The following SON variants were observed in gnomAD, a reference collection of about 807,000 sequenced individuals.
SON encodes the protein protein SON.
Under a neutral mutation model 173.3 loss-of-function variants are expected in SON, and 4 were observed. The observed-to-expected ratio is 0.02, with a 90% confidence interval of 0.01 to 0.05. The LOEUF (loss-of-function observed/expected upper bound fraction) is 0.05. Among genes scored for constraint, SON ranks in the 10% least tolerant of loss-of-function variants. The pLI, the probability that SON is intolerant of heterozygous loss-of-function variation, is 1.00. For synonymous variants in SON, 1,190 were observed against 1,105.9 expected, an observed-to-expected ratio of 1.08 and a Z score of -1.51; for missense variants, 2,626 against 3,055.3, an observed-to-expected ratio of 0.86 and a Z score of 3.31.
chr21:33,564,281 T>TA (rs1347883106), intron 6 of SON, among the ~76,000 whole-genome samples: 3 of 152,226 alleles, frequency 2.0e-5, no homozygotes, highest in Non-Finnish European at 2.9e-5. Flanking sequence ...TCACACTAGT[T>TA]ACATTTCAAG....
At chr21:33,574,697 TCAAC>T (rs1259985016) in intron 9 of SON, among the ~76,000 whole-genome samples, 1 of 152,216 alleles carries the variant, frequency 6.6e-6, no homozygotes, top group Non-Finnish European at 1.5e-5. Flanking sequence ...AAACCTGGAA[TCAAC>T]CGACACACTT....
chr21:33,568,671 C>G (rs1169733154), intron 7 of SON, among the ~76,000 whole-genome samples: 2 of 152,050 alleles, frequency 1.3e-5, no homozygotes, highest in Non-Finnish European at 2.9e-5. Context: ...GGGTGGGGAC[C>G]CATTGTCATA....
Position 33,549,676 on chromosome 21 carries a change from G to C in SON, c.445G>C (p.Asp149His). 6.2e-7 allele frequency: 1 copy of C among 1,612,568 alleles called. No individual in the cohort carries two copies. The highest frequency in any genetic ancestry group is 8.5e-7 in the Non-Finnish European group (1 of 1,179,628). Reference protein sequence around the residue: ...KTKSHDDGNIDLESDSFLKFD... With the variant: ...KTKSHDDGNIHLESDSFLKFD... ...GAAATCTCATGATGATGGGAACATA[G>C]ATTTAGAATCTGATTCCTTTTTAAA... is the stretch of plus-strand genomic sequence containing the variant. The change falls in exon 3 of 12, where the codon GAT becomes CAT. Residue 149 changes from aspartate to histidine, a missense_variant. Around this residue, in one of 13 missense-constraint regions of SON, gnomAD observed 757 missense variants for 730.1 expected, o/e 1.04. Coordinates refer to ENST00000356577, the MANE Select transcript of SON (RefSeq NM_138927.4).
chr21:33,576,832 T>A lies in SON; in HGVS notation c.*408T>A, dbSNP rs768357927. The A allele has an allele frequency of 4.3e-5, 14 of 328,712 alleles. No individual in the cohort carries two copies. Among genetic ancestry groups the A allele is most frequent in the Non-Finnish European group, 7.8e-5 (13 of 165,692 alleles). The allele number at this position is 328,712 out of a possible 1,614,324, so 20.4% of individuals were successfully genotyped here. ...CGACTGTTTGAAGGCATCAGAGTAA[T>A]CTTCAGTGTGGAATGTTAAATAACG... On this transcript the variant is annotated 3_prime_UTR_variant, in exon 12 of 12. Coordinates refer to ENST00000356577, the MANE Select transcript of SON (RefSeq NM_138927.4).
At chr21:33,558,959 C>CTT (rs71194851) in intron 4 of SON, 185 of 118,814 alleles carry the variant, frequency 1.6e-3, no homozygotes, top group African/African-American at 1.7e-3. Flanking sequence ...ATGTCTTCTA[C>CTT]TTTTTTTTTT....
intron 2 of SON, among the ~76,000 whole-genome samples, chr21:33,549,077 T>TG (rs936116332): frequency 1.3e-5 from 2 of 149,388 alleles, no homozygotes; most frequent in African/African-American, 4.9e-5. Context: ...TGTTATACTG[T>TG]GGGGTTTTTT....
chr21:33,569,054 G>A lies in SON; in HGVS notation c.6852G>A (p.Leu2284=). The change falls in exon 8 of 12, where the codon TTG becomes TTA. Residue 2284 remains leucine (L), a synonymous_variant. Transcript: ENST00000356577. The part of the protein sequence containing the change: ...TGVQVLTQEQ[L]ANTGAQAWIK... ...TACAGGTTTTGACACAAGAACAGTT[G>A]GCCAATACTGGTGCCCAAGCCTGGA... The A allele has an allele frequency of 6.2e-7, 1 of 1,609,466 alleles. No homozygotes were observed. Among genetic ancestry groups the A allele is most frequent in the Non-Finnish European group, 8.5e-7 (1 of 1,175,918 alleles).
chr21:33,544,497 G>A (rs543561340), intron 1 of SON, among the ~76,000 whole-genome samples: 1 of 152,214 alleles, frequency 6.6e-6, no homozygotes, highest in East Asian at 1.9e-4. Flanking sequence ...ACATGAAAAA[G>A]GAGAAAAGAA....
At chr21:33,547,198 G>C (rs980202707) in intron 2 of SON, among the ~76,000 whole-genome samples, 1 of 151,828 alleles carries the variant, frequency 6.6e-6, no homozygotes, top group Non-Finnish European at 1.5e-5. Flanking sequence ...AGGGTGGTCT[G>C]GTCTCGATCT....
Position 33,550,521 on chromosome 21 carries a change from C to A in SON, c.1290C>A (p.Pro430=). 6.2e-7 allele frequency: 1 copy of A among 1,613,328 alleles called. No individual in the cohort carries two copies. Among genetic ancestry groups the A allele is most frequent in the Non-Finnish European group, 8.5e-7 (1 of 1,179,722 alleles). ...LSTPVPELPG[P]PATAVPELPG... Reference sequence around the variant, plus strand: ...CCCCAGTGCCTGAGTTGCCAGGGCCCCCTGCGACAGCAGTGCCTGAGTTGC... The same window carrying A: ...CCCCAGTGCCTGAGTTGCCAGGGCCACCTGCGACAGCAGTGCCTGAGTTGC... Residue 430 remains proline (P), a synonymous_variant, in exon 3 of 12, where the codon CCC becomes CCA. Transcript: ENST00000356577.
chr21:33,557,249 C>G lies in SON; in HGVS notation c.6254C>G (p.Pro2085Arg). 1.2e-6 allele frequency: 2 copies of G among 1,613,454 alleles called. No individual in the cohort carries two copies. The highest frequency in any genetic ancestry group is 1.7e-6 in the Non-Finnish European group (2 of 1,179,888). ...TTACCACCAAACCTAAAGCCTGCAC[C>G]TCCACCTACTATAGAAGAGAAAGTT... ...VPLPPNLKPA[P>R]PPTIEEKVAK... Residue 2085 changes from proline (P) to arginine (R), a missense_variant, in exon 4 of 12, where the codon CCT (proline) becomes CGT (arginine). By Grantham distance (103) the Pro-to-Arg change is moderately radical. Around this residue, in one of 13 missense-constraint regions of SON, gnomAD observed 19 missense variants for 16.8 expected, o/e 1.13. Transcript: ENST00000356577.
intron 7 of SON, among the ~76,000 whole-genome samples, chr21:33,567,835 C>G: frequency 6.6e-6 from 1 of 152,036 alleles, no homozygotes. Flanking sequence ...AATGCTTGAA[C>G]CTGGGAGGCA....
Position 33,561,723 on chromosome 21 carries a change from CA to C in SON, c.6657+1952del, listed in dbSNP as rs1361050858. On this transcript the variant is annotated intron_variant, in intron 6 of 11. Transcript: ENST00000356577. ...GTGGTGCCTTAGCCTTGTTTGTCAT[CA>C]AAAGTTGTCAGATTTTAATTAAAGG... 1.1e-4 allele frequency among the ~76,000 whole-genome samples: 16 copies of C among 152,202 alleles called. No homozygotes were observed. The East Asian group carries it at 3.1e-3, about 29-fold the overall frequency.
intron 1 of SON, among the ~76,000 whole-genome samples, chr21:33,544,064 T>A (rs908590053): frequency 6.6e-6 from 1 of 152,230 alleles, no homozygotes; most frequent in Admixed American, 6.5e-5. Context: ...TTCTTTAAAG[T>A]ACAGAAGTAG....
Position 33,576,527 on chromosome 21 carries a change from A to G in SON, c.*103A>G, listed in dbSNP as rs564002568. 1.2e-6 allele frequency: 1 copy of G among 804,774 alleles called. No individual in the cohort carries two copies. Among genetic ancestry groups the G allele is most frequent in the African/African-American group, 1.7e-5 (1 of 59,672 alleles). 49.9% of individuals were successfully genotyped at this position (804,774 alleles called of 1,614,324 possible). A position where few individuals can be genotyped will look rare whatever the true frequency, so the allele number is the denominator to read the frequency against. ...CTTCAAGCAATGGGCCTTGTACCAAAGGACCTCATGGCTAATGCCACTTGC... is the reference window on the plus strand; with the variant it reads ...CTTCAAGCAATGGGCCTTGTACCAAGGGACCTCATGGCTAATGCCACTTGC... On this transcript the variant is annotated 3_prime_UTR_variant, in exon 12 of 12. Coordinates refer to ENST00000356577, the MANE Select transcript of SON (RefSeq NM_138927.4).
intron 6 of SON, chr21:33,560,387 T>C: frequency 8.6e-7 from 1 of 1,157,104 alleles, no homozygotes. Context: ...TGGTACTCCA[T>C]TCCCTTCTCC....
At chr21:33,570,800 T>G (rs942657722) in intron 8 of SON, among the ~76,000 whole-genome samples, 2 of 152,352 alleles carry the variant, frequency 1.3e-5, no homozygotes, top group African/African-American at 4.8e-5. Context: ...TACAGAGTCA[T>G]GTACACTGCT....
intron 11 of SON, 101 bp downstream of exon 11, chr21:33,575,994 TG>T (rs897863791): frequency 1.2e-4 from 74 of 612,144 alleles, no homozygotes; most frequent in African/African-American, 6.7e-4. Context: ...TGTTCATGGG[TG>T]GGGGGTTTGT....
chr21:33,546,399 C>A lies in SON; in HGVS notation c.244+20C>A. The A allele has an allele frequency of 6.4e-7, 1 of 1,569,900 alleles. No individual in the cohort carries two copies. Among genetic ancestry groups the A allele is most frequent in the Non-Finnish European group, 8.6e-7 (1 of 1,164,652 alleles). ...AGCCAGGTAAGTTGGAGATAATTAA[C>A]TGTCTCAAAAATTTTCTTTTAAGAT... On this transcript the variant is annotated intron_variant, in intron 2 of 11. Coordinates refer to ENST00000356577, the MANE Select transcript of SON (RefSeq NM_138927.4).
Sources: gnomAD v4.1 joint callset for allele counts (sites outside exome capture counted in the v4.1 genomes callset) on GRCh38, gnomAD v4.1.1 for gene constraint, gnomAD v4.1.1 regional missense constraint, MANE v1.5 for transcripts, NCBI Gene and HGNC (gene_info 2026-07-23, HGNC 2026-07-21) for gene names.